SLC26A9: variants seen among roughly 807,000 people sequenced by gnomAD.
SLC26A9 encodes solute carrier family 26 member 9.
Under a neutral mutation model 87.1 loss-of-function variants are expected in SLC26A9, and 46 were observed. The ratio of observed to expected loss-of-function variants is 0.53; its 90% CI spans 0.42 to 0.67. SLC26A9 has a LOEUF of 0.67. Among genes scored for constraint, SLC26A9 ranks in the 30% least tolerant of loss-of-function variants. The probability of loss-of-function intolerance (pLI) is 0.00; values close to 1 mark genes in which losing one functional copy is unlikely to be tolerated. For synonymous variants in SLC26A9, 437 were observed against 409.1 expected (o/e 1.07, Z -0.82); for missense variants, 927 against 1,018.3 (o/e 0.91, Z 1.22).
chr1:205,929,440 G>T, intron 6 of SLC26A9, 84 bp from the exon 7 acceptor site: 1 of 1,552,696 alleles, frequency 6.4e-7, no homozygotes, highest in Non-Finnish European at 8.7e-7. Context: ...CCAGGGAAGG[G>T]ATGCCATCAA....
At chr1:205,925,075 G>A (rs1211010416) in intron 12 of SLC26A9, among the ~76,000 whole-genome samples, 4 of 152,208 alleles carry the variant, frequency 2.6e-5, no homozygotes, top group African/African-American at 9.7e-5. Flanking sequence ...TCACAGGTGT[G>A]AGTCAGCACA....
intron 4 of SLC26A9, 94 bp downstream of exon 4, chr1:205,932,608 G>A (rs76277466): frequency 1.8e-5 from 19 of 1,039,470 alleles, no homozygotes; most frequent in Non-Finnish European, 2.7e-5. Flanking sequence ...AACTCCAGGA[G>A]AATGCAGATG....
intron 13 of SLC26A9, 69 bp downstream of exon 13, chr1:205,924,314 A>G (rs1658975239): frequency 4.2e-6 from 6 of 1,439,418 alleles, no homozygotes; most frequent in Non-Finnish European, 5.9e-6. Context: ...AGGCCGTGGC[A>G]TGGAAGCCCT....
rs1248999288 is a variant in SLC26A9, at chr1:205,914,573, A to G, written c.*784T>C. 10 of 295,244 alleles carry G rather than the reference A, an allele frequency of 3.4e-5. No homozygotes were observed. In the Admixed American group the frequency reaches 4.1e-4, roughly 12 times the overall value. 18.3% of individuals were successfully genotyped at this position (295,244 alleles called of 1,614,324 possible). A position where few individuals can be genotyped will look rare whatever the true frequency, so the allele number is the denominator to read the frequency against. ...ACCCATCCCCCTCTTTGGGGTTTCTAGCCAGCCTCCAGGGGAAGGGAGCAG... is the reference window on the plus strand; with the variant it reads ...ACCCATCCCCCTCTTTGGGGTTTCTGGCCAGCCTCCAGGGGAAGGGAGCAG... On this transcript the variant is annotated 3_prime_UTR_variant, in exon 21 of 21. Transcript: ENST00000367135.
intron 20 of SLC26A9, among the ~76,000 whole-genome samples, chr1:205,915,961 C>T (rs1658575852): frequency 6.6e-6 from 1 of 152,188 alleles, no homozygotes; most frequent in Non-Finnish European, 1.5e-5. Flanking sequence ...AAGAGAGACA[C>T]TACTTCTCAT....
intron 1 of SLC26A9, among the ~76,000 whole-genome samples, chr1:205,941,311 G>A (rs1034496589): frequency 6.6e-6 from 1 of 152,100 alleles, no homozygotes; most frequent in East Asian, 1.9e-4. Flanking sequence ...TGGGATTACT[G>A]GTGCGCGCCA....
At position 205,931,465 on chromosome 1, in the gene SLC26A9, G is replaced by GCTTTTTTTT. The variant is rs1553270525; in HGVS notation, c.552+394_552+395insAAAAAAAAG. Among the ~76,000 whole-genome samples, 134 of 95,966 alleles carry GCTTTTTTTT rather than the reference G, an allele frequency of 1.4e-3. 3 individuals carry two copies. The East Asian group carries it at 0.017, about 12-fold the overall frequency. The allele number at this position is 95,966 out of a possible 152,430, so 63.0% of individuals were successfully genotyped here. On this transcript the variant is annotated intron_variant, in intron 5 of 20. Transcript: ENST00000367135. ...GAGGGAGGAGGTGAGCCCTAACTTG[G>GCTTTTTTTT]TTTTTTTTTTTTTTTTTTTGAGACG...
At chr1:205,918,802 C>T (rs1426226028) in intron 19 of SLC26A9, 38 bp downstream of exon 19, 38 of 1,595,426 alleles carry the variant, frequency 2.4e-5, no homozygotes, top group Non-Finnish European at 3.1e-5. Context: ...TATTTCAGTG[C>T]CTTGGAGCCT....
At chr1:205,942,980 C>T (rs1028647493) in intron 1 of SLC26A9, among the ~76,000 whole-genome samples, 5 of 152,196 alleles carry the variant, frequency 3.3e-5, no homozygotes, top group African/African-American at 1.2e-4. Context: ...CTTTTCCCTC[C>T]AAGACTTGAA....
intron 1 of SLC26A9, among the ~76,000 whole-genome samples, chr1:205,941,315 C>T (rs767431774): frequency 5.3e-5 from 8 of 152,036 alleles, no homozygotes; most frequent in Non-Finnish European, 1.2e-4. Context: ...ATTACTGGTG[C>T]GCGCCATGAC....
intron 20 of SLC26A9, among the ~76,000 whole-genome samples, chr1:205,916,560 C>T (rs1183682374): frequency 6.6e-6 from 1 of 152,208 alleles, no homozygotes. Context: ...ACAGTAGGTA[C>T]GCCATAAATA....
At chr1:205,924,295 G>T in intron 13 of SLC26A9, 88 bp downstream of exon 13, 1 of 1,283,376 alleles carries the variant, frequency 7.8e-7, no homozygotes, top group Non-Finnish European at 1.1e-6. Flanking sequence ...AGGTACAGTG[G>T]ACTAAGCCAG....
chr1:205,920,686 G>A (rs1396342697), intron 17 of SLC26A9, among the ~76,000 whole-genome samples: 1 of 152,178 alleles, frequency 6.6e-6, no homozygotes, highest in Admixed American at 6.5e-5. Flanking sequence ...TTTTAGTAGA[G>A]GCGGGGTTTC....
At chr1:205,935,563 A>G in intron 2 of SLC26A9, 133 bp downstream of exon 2, 4 of 1,385,234 alleles carry the variant, frequency 2.9e-6, no homozygotes, top group Non-Finnish European at 3.9e-6. Flanking sequence ...TAAATTCATC[A>G]TTCAGAACCT....
In SLC26A9 at chr1:205,918,937, C is replaced by T. The variant is rs371716247; in HGVS notation, c.2159G>A (p.Ser720Asn). The change falls in exon 19 of 21, where the codon AGT becomes AAT. Residue 720 changes from serine (S) to asparagine (N), a missense_variant. By Grantham distance (46) the Ser-to-Asn change is conservative. Transcript: ENST00000367135. ...ISHGGVFEDG[S>N]LECKHVFPSI... ...GGGAAAGACGTGCTTGCATTCTAGACTCCCATCCTCAAAGACGCCTCCATG... is the reference window on the plus strand; with the variant it reads ...GGGAAAGACGTGCTTGCATTCTAGATTCCCATCCTCAAAGACGCCTCCATG... The T allele has an allele frequency of 2.5e-6, 4 of 1,614,210 alleles. No individual in the cohort carries two copies. In the South Asian group the frequency reaches 4.4e-5, roughly 18 times the overall value.
At chr1:205,920,917 A>T (rs562852646) in intron 17 of SLC26A9, among the ~76,000 whole-genome samples, 1 of 152,366 alleles carries the variant, frequency 6.6e-6, no homozygotes, top group Non-Finnish European at 1.5e-5. Flanking sequence ...TGGACTCCAG[A>T]TCCTGGCTAA....
At chr1:205,933,110 A>T in intron 2 of SLC26A9, 26 bp from the exon 3 acceptor site, 5 of 1,614,112 alleles carry the variant, frequency 3.1e-6, no homozygotes, top group Non-Finnish European at 4.2e-6. Flanking sequence ...GAAAATTTCC[A>T]GTCGGCTCTG....
intron 6 of SLC26A9, among the ~76,000 whole-genome samples, chr1:205,929,597 A>C (rs1659225603): frequency 6.6e-6 from 1 of 152,182 alleles, no homozygotes; most frequent in African/African-American, 2.4e-5. Flanking sequence ...GGGCTGAAGG[A>C]GGAGGGATGG....
rs1659190977 is a variant in SLC26A9, at chr1:205,928,906, C to G, written c.874G>C (p.Val292Leu). ...FPIPTEMIVV[V>L]VATAISGGCK... is the part of the protein sequence containing the mutation. ...CCCCCGGAGATAGCTGTTGCCACCA[C>G]CACCTGCAAACCCCAGAGTGGAGAA... Residue 292 changes from valine to leucine, a missense_variant, in exon 8 of 21, where the codon GTG (valine) becomes CTG (leucine). Coordinates refer to ENST00000367135, the MANE Select transcript of SLC26A9 (RefSeq NM_052934.4). 6.2e-6 allele frequency: 10 copies of G among 1,614,152 alleles called. No individual in the cohort carries two copies. Among genetic ancestry groups the G allele is most frequent in the Non-Finnish European group, 7.6e-6 (9 of 1,180,020 alleles).
Sources: allele counts gnomAD v4.1 joint callset (sites outside exome capture counted in the v4.1 genomes callset), GRCh38; gene constraint gnomAD v4.1.1; transcripts MANE v1.5; gene names NCBI Gene and HGNC (gene_info 2026-07-23, HGNC 2026-07-21).